PTPRN2: variants seen among roughly 807,000 people sequenced by gnomAD.
PTPRN2 encodes the protein receptor-type tyrosine-protein phosphatase N2.
Under a neutral mutation model 118.8 loss-of-function variants are expected in PTPRN2, and 74 were observed. The observed-to-expected ratio is 0.62, with a 90% CI of 0.52 to 0.76. PTPRN2 has a LOEUF of 0.76. Ranked by LOEUF, PTPRN2 falls within the 30% of genes least tolerant of loss-of-function variation. The probability of loss-of-function intolerance (pLI) is 0.00; values close to 1 mark genes in which losing one functional copy is unlikely to be tolerated. For missense variants in PTPRN2, 1,481 were observed against 1,394.4 expected (o/e 1.06, Z -0.99); for synonymous variants, 641 against 608.0 (o/e 1.05, Z -0.80).
At chr7:157,900,826 T>G (rs1797396001) in intron 11 of PTPRN2, among the ~76,000 whole-genome samples, 1 of 152,214 alleles carries the variant, frequency 6.6e-6, no homozygotes. Flanking sequence ...GGGTAATTTC[T>G]GCTCTGTGTA....
intron 3 of PTPRN2, among the ~76,000 whole-genome samples, chr7:158,208,701 C>CA (rs1402572701): frequency 6.6e-6 from 1 of 152,158 alleles, no homozygotes; most frequent in East Asian, 1.9e-4. Flanking sequence ...AGTAAGAAAT[C>CA]ATCTAAAGGT....
Position 158,273,522 on chromosome 7 carries a change from GA to G in PTPRN2, c.277+43296del, listed in dbSNP as rs1317754448. 7.0e-3 allele frequency among the ~76,000 whole-genome samples: 491 copies of G among 69,718 alleles called. 62 individuals carry two copies. Among genetic ancestry groups the G allele is most frequent in the Middle Eastern group, 0.01 (1 of 98 alleles). 45.7% of individuals were successfully genotyped at this position (69,718 alleles called of 152,430 possible). On this transcript the variant is annotated intron_variant, in intron 3 of 22. Coordinates refer to ENST00000389418, the MANE Select transcript of PTPRN2 (RefSeq NM_002847.5). ...CAGGGGGAGCCGCAGACAGACATGG[GA>G]GGAGCCGCAGACACGGGGAGCCGCA...
intron 11 of PTPRN2, among the ~76,000 whole-genome samples, chr7:157,982,289 T>TA (rs1803298781): frequency 3.1e-5 from 1 of 32,072 alleles, no homozygotes; most frequent in African/African-American, 1.1e-4. Context: ...GAATGCAGAG[T>TA]GCAGGGTCCC....
chr7:158,257,818 C>T (rs1797132777), intron 3 of PTPRN2, among the ~76,000 whole-genome samples: 1 of 152,250 alleles, frequency 6.6e-6, no homozygotes, highest in Non-Finnish European at 1.5e-5. Flanking sequence ...GGTGAGCCCG[C>T]CTGCAGAGGA....
chr7:157,563,621 C>T (rs1799329179), intron 21 of PTPRN2, among the ~76,000 whole-genome samples: 1 of 145,172 alleles, frequency 6.9e-6, no homozygotes, highest in Non-Finnish European at 1.5e-5. Flanking sequence ...ATCAGGACCA[C>T]GTGCTCCCAC....
In PTPRN2 at chr7:157,725,324, CGCCTCCCAGGAGAACTGGATATCTA is replaced by C. The variant is rs1563042080; in HGVS notation, c.1789-42412_1789-42388del. Among the ~76,000 whole-genome samples the C allele has an allele frequency of 2.8e-4, 26 of 91,784 alleles. 2 individuals carry two copies. Among genetic ancestry groups the C allele is most frequent in the African/African-American group, 1.2e-3 (24 of 19,400 alleles). The allele number at this position is 91,784 out of a possible 152,430, so 60.2% of individuals were successfully genotyped here. A position where few individuals can be genotyped will look rare whatever the true frequency, so the allele number is the denominator to read the frequency against. ...ACCCAGAGGAGTGTGGCCAGACCCT[CGCCTCCCAGGAGAACTGGATATCTA>C]CACACAGAGGAGTGTGGCCAGACCC... On this transcript the variant is annotated intron_variant, in intron 12 of 22. Coordinates refer to ENST00000389418, the MANE Select transcript of PTPRN2 (RefSeq NM_002847.5).
At chr7:157,600,309 G>T (rs897916504) in intron 16 of PTPRN2, among the ~76,000 whole-genome samples, 2 of 152,056 alleles carry the variant, frequency 1.3e-5, no homozygotes, top group African/African-American at 2.4e-5. Flanking sequence ...AAAGCAAATT[G>T]CATGAAACGC....
intron 3 of PTPRN2, among the ~76,000 whole-genome samples, chr7:158,246,803 G>A (rs554701041): frequency 7.2e-5 from 11 of 151,980 alleles, no homozygotes; most frequent in Admixed American, 3.3e-4. Flanking sequence ...TGGCCATGCC[G>A]GAATCCGTGG....
At chr7:157,909,267 T>C (rs1374146250) in intron 11 of PTPRN2, among the ~76,000 whole-genome samples, 2 of 152,254 alleles carry the variant, frequency 1.3e-5, no homozygotes, top group Non-Finnish European at 2.9e-5. Context: ...ATGAAGCATT[T>C]TTTTAGCGGC....
chr7:158,248,984 A>G (rs989336258), intron 3 of PTPRN2, among the ~76,000 whole-genome samples: 1 of 151,396 alleles, frequency 6.6e-6, no homozygotes, highest in South Asian at 2.1e-4. Flanking sequence ...CACACCACAC[A>G]TATGCACACA....
At position 157,780,238 on chromosome 7, in the gene PTPRN2, G is replaced by A. The variant is rs1028311950; in HGVS notation, c.1789-97301C>T. Among the ~76,000 whole-genome samples the A allele has an allele frequency of 4.6e-5, 7 of 152,186 alleles. No homozygotes were observed. The highest frequency in any genetic ancestry group is 1.4e-4 in the African/African-American group (6 of 41,438). On this transcript the variant is annotated intron_variant, in intron 12 of 22. Coordinates refer to ENST00000389418, the MANE Select transcript of PTPRN2 (RefSeq NM_002847.5). This position sits in a 1 kb window ranked among gnomAD's most constrained non-coding sequence, Gnocchi z 4.5. The stretch of plus-strand genomic sequence containing the variant: ...AGCACAAGGACGTTCCTCAGAGCAA[G>A]GCATTTGCTCGCTCCCCTTGCTCCT...
intron 1 of PTPRN2, among the ~76,000 whole-genome samples, chr7:158,527,537 G>A (rs753887203): frequency 5.3e-5 from 8 of 151,728 alleles, no homozygotes; most frequent in East Asian, 1.9e-4. Flanking sequence ...TGAGAATACC[G>A]TGGAGTTGGG....
intron 12 of PTPRN2, among the ~76,000 whole-genome samples, chr7:157,768,765 G>A (rs891870549): frequency 2.6e-5 from 4 of 152,182 alleles, no homozygotes; most frequent in Admixed American, 2.6e-4. Flanking sequence ...CTGCTTAGGG[G>A]AGCAGTTTCT....
At chr7:158,011,942 T>C (rs1806077969) in intron 11 of PTPRN2, among the ~76,000 whole-genome samples, 2 of 152,226 alleles carry the variant, frequency 1.3e-5, no homozygotes, top group Non-Finnish European at 2.9e-5. Flanking sequence ...GTTTCTTTCT[T>C]TTTTTGGTTG....
intron 11 of PTPRN2, among the ~76,000 whole-genome samples, chr7:158,010,132 G>A (rs532791005): frequency 6.6e-6 from 1 of 152,284 alleles, no homozygotes; most frequent in South Asian, 2.1e-4. Context: ...TGCTTACTCC[G>A]GCATCCCCAG....
rs1021705879 is a variant in PTPRN2 at position 158,192,619 on chromosome 7, C to T, written c.381-124G>A. On this transcript the variant is annotated intron_variant, in intron 4 of 22. Transcript: ENST00000389418. ...GCCGGGCTCTCGGTGGCCGGCCTGG[C>T]CTTGCTGCTCCATGACCATGGGTTT... The T allele has an allele frequency of 7.3e-6, 8 of 1,098,424 alleles. No homozygotes were observed. In the African/African-American group the frequency reaches 1.0e-4, roughly 14 times the overall value. 68.0% of individuals were successfully genotyped at this position (1,098,424 alleles called of 1,614,324 possible).
intron 9 of PTPRN2, among the ~76,000 whole-genome samples, chr7:158,113,840 C>A (rs1017793120): frequency 3.9e-5 from 6 of 152,152 alleles, no homozygotes; most frequent in Non-Finnish European, 5.9e-5. Flanking sequence ...CTTCGAGGCA[C>A]GTAGCAATCC....
At chr7:158,519,502 CCTTTG>C (rs1017581919) in intron 1 of PTPRN2, among the ~76,000 whole-genome samples, 33 of 152,272 alleles carry the variant, frequency 2.2e-4, no homozygotes, top group African/African-American at 7.9e-4. Context: ...TGTGTTTGAG[CCTTTG>C]CTTTGCATGG....
At chr7:157,542,690 C>T (rs558001607) in intron 22 of PTPRN2, among the ~76,000 whole-genome samples, 9 of 152,194 alleles carry the variant, frequency 5.9e-5, no homozygotes, top group South Asian at 2.1e-4. Context: ...GGAAGGGAAC[C>T]GGGCCACAGA....
Sources: allele counts gnomAD v4.1 joint callset (sites outside exome capture counted in the v4.1 genomes callset), GRCh38; gene constraint gnomAD v4.1.1; non-coding constraint Gnocchi (gnomAD v3.1); transcripts MANE v1.5; gene names NCBI Gene and HGNC (gene_info 2026-07-23, HGNC 2026-07-21).